Variants in ADAMTS20 observed in about 807,000 individuals in gnomAD.
The protein encoded by ADAMTS20 is ADAM metallopeptidase with thrombospondin type 1 motif 20, also known as A disintegrin and metalloproteinase with thrombospondin motifs 20.
A neutral mutation model predicts 260.1 loss-of-function variants in ADAMTS20; 225 were observed. The observed-to-expected ratio is 0.87, with a 90% CI of 0.78 to 0.97. The LOEUF (loss-of-function observed/expected upper bound fraction) is 0.97, where lower values mean the gene tolerates loss of function less well. ADAMTS20 is among the 50% of genes least tolerant of loss of function. ADAMTS20 has a pLI of 0.00. For synonymous variants in ADAMTS20, 802 were observed against 769.5 expected (o/e 1.04, Z -0.70); for missense variants, 2,400 against 2,337.7 (o/e 1.03, Z -0.55).
intron 28 of ADAMTS20, among the ~76,000 whole-genome samples, chr12:43,403,016 G>A (rs796214861): frequency 1.1e-4 from 16 of 152,116 alleles, no homozygotes; most frequent in African/African-American, 3.6e-4. Context: ...AGATAAAACA[G>A]GGCATTTGAA....
At chr12:43,371,593 C>T (rs1296443951) in intron 36 of ADAMTS20, among the ~76,000 whole-genome samples, 1 of 152,010 alleles carries the variant, frequency 6.6e-6, no homozygotes, top group African/African-American at 2.4e-5. Flanking sequence ...TCAGCAGAGA[C>T]CCAAAAGAAA....
intron 20 of ADAMTS20, 21 bp downstream of exon 20, chr12:43,432,580 A>G: frequency 6.2e-7 from 1 of 1,608,818 alleles, no homozygotes; most frequent in Non-Finnish European, 8.5e-7. Context: ...AACTTTTTTT[A>G]AGCAATCATT....
intron 7 of ADAMTS20, among the ~76,000 whole-genome samples, chr12:43,474,949 T>TCA (rs1270555880): frequency 7.3e-5 from 7 of 96,054 alleles, no homozygotes; most frequent in Non-Finnish European, 1.0e-4. Context: ...ATGCCCTCTC[T>TCA]CACCACTCCT....
chr12:43,439,423 A>T (rs906633306), intron 18 of ADAMTS20, among the ~76,000 whole-genome samples, 199 bp downstream of exon 18: 2 of 152,252 alleles, frequency 1.3e-5, no homozygotes, highest in African/African-American at 4.8e-5. Flanking sequence ...GTAGCATTAA[A>T]TAGTGCTGTT....
intron 11 of ADAMTS20, among the ~76,000 whole-genome samples, chr12:43,461,368 A>C (rs572944636): frequency 2.6e-5 from 4 of 152,206 alleles, no homozygotes; most frequent in African/African-American, 9.6e-5. Flanking sequence ...CACATTTGTT[A>C]AAATCCATCA....
chr12:43,512,113 T>C (rs1028864160), intron 3 of ADAMTS20, among the ~76,000 whole-genome samples: 2 of 151,686 alleles, frequency 1.3e-5, no homozygotes, highest in African/African-American at 2.4e-5. Flanking sequence ...TCACATATGT[T>C]ATCTCATTTA....
At chr12:43,401,732 ATTTTTATGCTTT>A (rs1940813897) in intron 28 of ADAMTS20, among the ~76,000 whole-genome samples, 1 of 111,776 alleles carries the variant, frequency 8.9e-6, no homozygotes, top group Non-Finnish European at 1.8e-5. Flanking sequence ...TTATAAGTAT[ATTTTTATGCTTT>A]TTTTTTTGCT....
chr12:43,471,671 C>T (rs1942264498), intron 7 of ADAMTS20, among the ~76,000 whole-genome samples: 1 of 140,194 alleles, frequency 7.1e-6, no homozygotes, highest in Non-Finnish European at 1.5e-5. Flanking sequence ...CAAGTGGGTC[C>T]CTGACCCCTG....
At chr12:43,510,059 T>C (rs1942901539) in intron 3 of ADAMTS20, among the ~76,000 whole-genome samples, 2 of 152,036 alleles carry the variant, frequency 1.3e-5, no homozygotes, top group Admixed American at 6.6e-5. Flanking sequence ...AATAGAGAAG[T>C]AGTTGAATAA....
intron 36 of ADAMTS20, among the ~76,000 whole-genome samples, chr12:43,370,679 T>C (rs1002550932): frequency 1.3e-5 from 2 of 152,204 alleles, no homozygotes; most frequent in Non-Finnish European, 2.9e-5. Flanking sequence ...ATATCTGTAA[T>C]TTAACATGTT....
At position 43,551,711 on chromosome 12, in the gene ADAMTS20, G is replaced by A; in HGVS notation, c.91+120C>T. On this transcript the variant is annotated intron_variant, in intron 1 of 38. Transcript: ENST00000389420. The surrounding 1 kb of genome is among the most constrained non-coding windows in gnomAD (Gnocchi z 4.6). ...CCGGCTGACTGGTCCGGGAGTCCCG[G>A]GAGCTCCAGCAGGGCCAGCGTTCCC... 1 of 1,037,570 alleles carries A rather than the reference G, an allele frequency of 9.6e-7. No individual in the cohort carries two copies. The highest frequency in any genetic ancestry group is 1.4e-6 in the Non-Finnish European group (1 of 696,818). 64.3% of individuals were successfully genotyped at this position (1,037,570 alleles called of 1,614,324 possible).
In ADAMTS20 at chr12:43,481,796, A is replaced by G. The variant is rs951998722; in HGVS notation, c.1117+8599T>C. Among the ~76,000 whole-genome samples, 8 of 152,318 alleles carry G rather than the reference A, an allele frequency of 5.3e-5. No homozygotes were observed. The South Asian group carries it at 6.2e-4, about 12-fold the overall frequency. On this transcript the variant is annotated intron_variant, in intron 7 of 38. Coordinates refer to ENST00000389420, the MANE Select transcript of ADAMTS20 (RefSeq NM_025003.5). Reference sequence around the variant, plus strand: ...GCATGCCTCTCCCACCCGGAAAGACAAAATAGCGTGTGGAACTCACACTGT... The same window carrying G: ...GCATGCCTCTCCCACCCGGAAAGACGAAATAGCGTGTGGAACTCACACTGT...
chr12:43,429,576 C>A (rs938751061), intron 24 of ADAMTS20, 41 bp downstream of exon 24: 19 of 1,399,218 alleles, frequency 1.4e-5, no homozygotes, highest in Non-Finnish European at 1.8e-5. Context: ...CTAAAAGCTA[C>A]CATAATAGAA....
chr12:43,432,264 C>T, intron 21 of ADAMTS20, 40 bp downstream of exon 21: 1 of 1,577,462 alleles, frequency 6.3e-7, no homozygotes, highest in Non-Finnish European at 8.6e-7. Context: ...TTTACTAACA[C>T]AATATTTTAA....
chr12:43,523,038 C>T (rs1159070187), intron 3 of ADAMTS20, among the ~76,000 whole-genome samples: 1 of 152,166 alleles, frequency 6.6e-6, no homozygotes, highest in Non-Finnish European at 1.5e-5. Flanking sequence ...ATCTTATGTG[C>T]TAAATCTGTA....
chr12:43,393,173 A>G (rs1049570198), intron 29 of ADAMTS20, among the ~76,000 whole-genome samples: 2 of 152,054 alleles, frequency 1.3e-5, no homozygotes, highest in Non-Finnish European at 2.9e-5. Flanking sequence ...TAAGTGGCTT[A>G]CTAGAATGGC....
intron 3 of ADAMTS20, among the ~76,000 whole-genome samples, chr12:43,520,820 C>T (rs1943061157): frequency 6.6e-6 from 1 of 152,178 alleles, no homozygotes; most frequent in Non-Finnish European, 1.5e-5. Flanking sequence ...TCTGCTCACA[C>T]ATTTATAAAA....
chr12:43,492,709 ATT>A, intron 5 of ADAMTS20, 80 bp from the exon 6 acceptor site: 3 of 1,491,348 alleles, frequency 2.0e-6, no homozygotes, highest in Non-Finnish European at 2.8e-6. Context: ...CATCTGCACA[ATT>A]TATCAAATAG....
At chr12:43,453,846 G>T (rs1386873937) in intron 12 of ADAMTS20, 61 bp downstream of exon 12, 2 of 1,537,500 alleles carry the variant, frequency 1.3e-6, no homozygotes, top group South Asian at 1.2e-5. Context: ...GAGTGAAACT[G>T]ATGTTTACTT....
Sources: gnomAD v4.1 joint callset for allele counts (sites outside exome capture counted in the v4.1 genomes callset) on GRCh38, gnomAD v4.1.1 for gene constraint, Gnocchi (gnomAD v3.1) non-coding constraint, MANE v1.5 for transcripts, NCBI Gene and HGNC (gene_info 2026-07-23, HGNC 2026-07-21) for gene names.